The following SLC6A4 variants were observed in gnomAD, a reference collection of about 807,000 sequenced individuals.
SLC6A4 encodes the protein solute carrier family 6 member 4, also known as sodium-dependent serotonin transporter.
SLC6A4 carries 22 observed loss-of-function variants against 73.4 expected under a neutral mutation model. The observed-to-expected ratio is 0.30, with a 90% confidence interval of 0.21 to 0.43. The LOEUF (loss-of-function observed/expected upper bound fraction) is 0.43, where lower values mean the gene tolerates loss of function less well. Among genes scored for constraint, SLC6A4 ranks in the 20% least tolerant of loss-of-function variants. The pLI is 1.00. For synonymous variants in SLC6A4, 270 were observed against 315.5 expected (o/e 0.86, Z 1.53); for missense variants, 593 against 808.5 (o/e 0.73, Z 3.23).
rs2143012807 is a variant in SLC6A4 at position 30,196,807 on chromosome 17, C to T, written c.*1649G>A. The T allele has an allele frequency of 6.6e-6, 1 of 152,382 alleles. No individual in the cohort carries two copies. Among genetic ancestry groups the T allele is most frequent in the African/African-American group, 2.4e-5 (1 of 41,538 alleles). 9.4% of individuals were successfully genotyped at this position (152,382 alleles called of 1,614,324 possible). ...TTCTGGGAAACTTCTCAGCAGCTAT[C>T]ATATAAGGAAAGTATCTCGCTAGGA... On this transcript the variant is annotated 3_prime_UTR_variant, in exon 15 of 15. Transcript: ENST00000650711.
Position 30,197,899 on chromosome 17 carries a change from C to T in SLC6A4, c.*557G>A, listed in dbSNP as rs1360387387. 1 of 153,020 alleles carries T rather than the reference C, an allele frequency of 6.5e-6. No homozygotes were observed. Among genetic ancestry groups the T allele is most frequent in the Non-Finnish European group, 1.5e-5 (1 of 68,234 alleles). The allele number at this position is 153,020 out of a possible 1,614,324, so 9.5% of individuals were successfully genotyped here. On this transcript the variant is annotated 3_prime_UTR_variant, in exon 15 of 15. Transcript: ENST00000650711. ...ACAGACTCACAAGCTTGCATGGACA[C>T]ACTATTTTTCATTTTAGCTTCTTAC...
intron 14 of SLC6A4, among the ~76,000 whole-genome samples, chr17:30,202,600 A>C (rs527765336): frequency 6.6e-6 from 1 of 152,356 alleles, no homozygotes; most frequent in East Asian, 1.9e-4. Context: ...ACATTTCTAC[A>C]GCGCATTCAT....
rs201773359 is a variant in SLC6A4, at chr17:30,198,383, G to A, written c.*73C>T. Reference sequence around the variant, plus strand: ...GCTGGAAACTCATTCACTTGGAGGGGAGAAGGCAGGCGTGCCTCATCAGAA... The same window carrying A: ...GCTGGAAACTCATTCACTTGGAGGGAAGAAGGCAGGCGTGCCTCATCAGAA... On this transcript the variant is annotated 3_prime_UTR_variant, in exon 15 of 15. Coordinates refer to ENST00000650711, the MANE Select transcript of SLC6A4 (RefSeq NM_001045.6). 1 of 820,604 alleles carries A rather than the reference G, an allele frequency of 1.2e-6. No homozygotes were observed. The highest frequency in any genetic ancestry group is 2.1e-6 in the Non-Finnish European group (1 of 486,464). 50.8% of individuals were successfully genotyped at this position (820,604 alleles called of 1,614,324 possible).
intron 1 of SLC6A4, among the ~76,000 whole-genome samples, chr17:30,227,164 A>G (rs925376904): frequency 2.6e-5 from 4 of 152,140 alleles, no homozygotes; most frequent in African/African-American, 7.2e-5. Flanking sequence ...CTGTTGGCTG[A>G]TCCTTCCTTG....
At chr17:30,204,398 C>T (rs1051911735) in intron 13 of SLC6A4, 2 of 152,030 alleles carry the variant, frequency 1.3e-5, no homozygotes, top group African/African-American at 4.8e-5. Context: ...GCCTTCAAAA[C>T]AGGAACCTGG....
intron 14 of SLC6A4, among the ~76,000 whole-genome samples, chr17:30,202,379 C>T (rs184689752): frequency 7.7e-4 from 118 of 152,292 alleles, no homozygotes; most frequent in South Asian, 1.4e-3. Context: ...CATGCCTTGG[C>T]CTCCTAAAAT....
rs193281701 is a variant in SLC6A4, at chr17:30,211,583, C to T, written c.1205-159G>A. On this transcript the variant is annotated intron_variant, in intron 9 of 14. Transcript: ENST00000650711. This position sits in a 1 kb window ranked among gnomAD's most constrained non-coding sequence, Gnocchi z 4.0. ...ACACCAAGTGCGTCCTCACACTCTA[C>T]TCCGTCTGACGTGGCCACCCCAGTT... Among the ~76,000 whole-genome samples the T allele has an allele frequency of 3.3e-5, 5 of 152,352 alleles. No homozygotes were observed. The highest frequency in any genetic ancestry group is 1.2e-4 in the African/African-American group (5 of 41,580).
intron 1 of SLC6A4, among the ~76,000 whole-genome samples, chr17:30,228,996 T>C (rs1018342618): frequency 6.6e-6 from 1 of 152,180 alleles, no homozygotes; most frequent in Non-Finnish European, 1.5e-5. Context: ...CTGAGCTCCA[T>C]GTGAGGTGCT....
chr17:30,219,438 G>C (rs980631318), intron 3 of SLC6A4, among the ~76,000 whole-genome samples: 3 of 152,194 alleles, frequency 2.0e-5, no homozygotes, highest in Non-Finnish European at 2.9e-5. Context: ...GCCAGTACCT[G>C]GGACCCTTGG....
chr17:30,211,329 G>A lies in SLC6A4; in HGVS notation c.1300C>T (p.Leu434=), dbSNP rs766125499. 1 of 1,609,264 alleles carries A rather than the reference G, an allele frequency of 6.2e-7. No homozygotes were observed. Among genetic ancestry groups the A allele is most frequent in the Non-Finnish European group, 8.5e-7 (1 of 1,175,950 alleles). Residue 434 remains leucine (L), a synonymous_variant, in exon 10 of 15, where the codon CTG becomes TTG. Coordinates refer to ENST00000650711, the MANE Select transcript of SLC6A4 (RefSeq NM_001045.6). The surrounding 1 kb of genome is among the most constrained non-coding windows in gnomAD (Gnocchi z 4.0). ...TTCCTCACCGTGCTGTCCAAGCCCA[G>A]CGTGATTAACATCAGAAAGAAGATG... ...AIIFFLMLIT[L]GLDSTFAGLE... is the part of the protein sequence containing the mutation.
intron 3 of SLC6A4, among the ~76,000 whole-genome samples, chr17:30,219,915 T>C (rs1008483091): frequency 2.6e-5 from 4 of 152,170 alleles, no homozygotes; most frequent in South Asian, 4.1e-4. Flanking sequence ...AATAAAACCA[T>C]GTGTTCTCGT....
At chr17:30,225,217 C>T (rs1215439743) in intron 1 of SLC6A4, among the ~76,000 whole-genome samples, 2 of 151,984 alleles carry the variant, frequency 1.3e-5, no homozygotes, top group East Asian at 3.9e-4. Context: ...TCAGAGGAGA[C>T]ACACATCTCC....
intron 1 of SLC6A4, among the ~76,000 whole-genome samples, chr17:30,234,578 C>T (rs935872842): frequency 1.3e-5 from 2 of 152,222 alleles, no homozygotes; most frequent in African/African-American, 4.8e-5. Flanking sequence ...AAACCCAACA[C>T]TGACGCTGCC....
chr17:30,221,562 CGGGTCACAGCCCACCCT>C (rs1256843054), intron 3 of SLC6A4, 37 bp downstream of exon 3: 117 of 1,516,642 alleles, frequency 7.7e-5, no homozygotes, highest in Non-Finnish European at 1.0e-4. Flanking sequence ...CAGCCCACTC[CGGGTCACAGCCCACCCT>C]GGGTCACAGC....
At chr17:30,207,914 T>A in intron 12 of SLC6A4, 82 bp from the exon 13 acceptor site, 1 of 1,019,016 alleles carries the variant, frequency 9.8e-7, no homozygotes, top group Non-Finnish European at 1.5e-6. Flanking sequence ...TCTGGGAGAG[T>A]CAGAGTCACA....
intron 1 of SLC6A4, among the ~76,000 whole-genome samples, chr17:30,225,853 C>A (rs1906910132): frequency 6.6e-6 from 1 of 152,194 alleles, no homozygotes; most frequent in African/African-American, 2.4e-5. Flanking sequence ...GCACTCCATT[C>A]CCCCAATCCC....
intron 1 of SLC6A4, among the ~76,000 whole-genome samples, chr17:30,233,190 C>T (rs1907165789): frequency 1.3e-5 from 2 of 152,160 alleles, no homozygotes; most frequent in African/African-American, 4.8e-5. Context: ...TCCACACCCA[C>T]GTATGTTCCA....
chr17:30,217,375 C>G, intron 5 of SLC6A4, 71 bp from the exon 6 acceptor site: 1 of 1,473,726 alleles, frequency 6.8e-7, no homozygotes. Context: ...CTGTGCTGCT[C>G]CTTTGAGGGT....
chr17:30,202,526 A>G (rs1245749621), intron 14 of SLC6A4, among the ~76,000 whole-genome samples: 1 of 152,250 alleles, frequency 6.6e-6, no homozygotes, highest in African/African-American at 2.4e-5. Flanking sequence ...ATAACAGAAT[A>G]GGATAATCGA....
Sources: gnomAD v4.1 joint callset for allele counts (sites outside exome capture counted in the v4.1 genomes callset) on GRCh38, gnomAD v4.1.1 for gene constraint, Gnocchi (gnomAD v3.1) non-coding constraint, MANE v1.5 for transcripts, NCBI Gene and HGNC (gene_info 2026-07-23, HGNC 2026-07-21) for gene names.